FSHR: variants seen among roughly 807,000 people sequenced by gnomAD.
FSHR encodes the protein follicle stimulating hormone receptor, also known as follicle-stimulating hormone receptor.
Under a neutral mutation model 52.1 loss-of-function variants are expected in FSHR, and 46 were observed. The observed-to-expected ratio is 0.88, with a 90% CI of 0.70 to 1.13. The LOEUF is 1.13. Among genes scored for constraint, FSHR ranks in the 50% most tolerant of loss-of-function variants. The pLI is 0.00. For synonymous variants in FSHR, 399 were observed against 309.6 expected (o/e 1.29, Z -3.03); for missense variants, 964 against 834.6 (o/e 1.16, Z -1.91).
At chr2:48,989,839 A>G (rs377505300) in intron 5 of FSHR, among the ~76,000 whole-genome samples, 22 of 152,280 alleles carry the variant, frequency 1.4e-4, no homozygotes, top group African/African-American at 5.1e-4. Context: ...TTCCCCCGTC[A>G]ACCTTCCCTG....
chr2:48,966,246 G>C (rs1674472876), intron 9 of FSHR, among the ~76,000 whole-genome samples: 1 of 152,172 alleles, frequency 6.6e-6, no homozygotes, highest in South Asian at 2.1e-4. Context: ...TGGAATTCTT[G>C]AGGTCTAGGC....
chr2:49,029,847 A>G (rs1224195392), intron 2 of FSHR, among the ~76,000 whole-genome samples: 4 of 152,086 alleles, frequency 2.6e-5, no homozygotes, highest in African/African-American at 9.7e-5. Flanking sequence ...GATCCAAATG[A>G]TCTCCAGGGT....
intron 4 of FSHR, among the ~76,000 whole-genome samples, chr2:49,017,061 G>A (rs1016954223): frequency 3.3e-5 from 5 of 152,030 alleles, no homozygotes; most frequent in African/African-American, 7.2e-5. Flanking sequence ...TGTTATTAAC[G>A]AAAACATACA....
rs369856811 is a variant in FSHR at position 49,082,851 on chromosome 2, C to G, written c.153-14561G>C. Among the ~76,000 whole-genome samples the G allele has an allele frequency of 4.7e-3, 713 of 151,854 alleles. 3 individuals carry two copies. Among genetic ancestry groups the G allele is most frequent in the African/African-American group, 0.016 (664 of 41,296 alleles). On this transcript the variant is annotated intron_variant, in intron 1 of 9. Transcript: ENST00000406846. ...CAAGAAATATGGGACTATGTGAAAA[C>G]ACCAAATCTACGTCTGATTGGTGTA...
intron 8 of FSHR, among the ~76,000 whole-genome samples, chr2:48,973,854 G>T (rs1205100740): frequency 2.0e-5 from 3 of 152,204 alleles, no homozygotes; most frequent in East Asian, 1.9e-4. Flanking sequence ...TGCACCTTGT[G>T]TTATGTCTTC....
At chr2:49,144,284 C>A (rs1672792219) in intron 1 of FSHR, among the ~76,000 whole-genome samples, 1 of 152,184 alleles carries the variant, frequency 6.6e-6, no homozygotes, top group Admixed American at 6.5e-5. Flanking sequence ...GTTCTTAAAT[C>A]TGCTGCTGCG....
At chr2:49,038,589 C>T (rs1236852974) in intron 2 of FSHR, among the ~76,000 whole-genome samples, 7 of 146,920 alleles carry the variant, frequency 4.8e-5, no homozygotes, top group African/African-American at 1.5e-4. Flanking sequence ...CGCGCCACTG[C>T]ACTCCAGCCT....
intron 2 of FSHR, among the ~76,000 whole-genome samples, chr2:49,039,312 T>G (rs192787654): frequency 3.9e-5 from 6 of 152,300 alleles, no homozygotes; most frequent in Admixed American, 3.9e-4. Context: ...TTTGAAGATG[T>G]GATGTCTCTT....
At chr2:48,964,882 C>A (rs1161549930) in intron 9 of FSHR, among the ~76,000 whole-genome samples, 1 of 151,860 alleles carries the variant, frequency 6.6e-6, no homozygotes, top group East Asian at 1.9e-4. Context: ...TATTCTACCC[C>A]AGAGTAGTAT....
At chr2:49,053,648 C>G (rs1668951232) in intron 2 of FSHR, among the ~76,000 whole-genome samples, 1 of 151,918 alleles carries the variant, frequency 6.6e-6, no homozygotes, top group South Asian at 2.1e-4. Context: ...GAACAGTGGC[C>G]ATTTCATTTC....
intron 1 of FSHR, among the ~76,000 whole-genome samples, chr2:49,076,589 T>C (rs1558427096): frequency 6.6e-6 from 1 of 152,176 alleles, no homozygotes; most frequent in Non-Finnish European, 1.5e-5. Context: ...AAACTAATTA[T>C]GCCTTCCCTA....
chr2:49,142,221 T>A (rs1672713318), intron 1 of FSHR, among the ~76,000 whole-genome samples: 1 of 152,186 alleles, frequency 6.6e-6, no homozygotes, highest in Non-Finnish European at 1.5e-5. Context: ...GGGAGGAAAG[T>A]AAAGAAATGA....
chr2:49,068,330 TTAATAAG>T (rs759762528), intron 1 of FSHR, 40 bp from the exon 2 acceptor site: 13 of 1,521,138 alleles, frequency 8.5e-6, no homozygotes, highest in Non-Finnish European at 1.1e-5. Flanking sequence ...AACCTATCCA[TTAATAAG>T]TAATTGAGTT....
At chr2:49,032,241 C>A (rs1241607541) in intron 2 of FSHR, among the ~76,000 whole-genome samples, 2 of 152,098 alleles carry the variant, frequency 1.3e-5, no homozygotes, top group African/African-American at 4.8e-5. Flanking sequence ...TTGCTTTTGC[C>A]TTTATCAGGG....
At chr2:49,101,764 G>C (rs1671036195) in intron 1 of FSHR, among the ~76,000 whole-genome samples, 1 of 152,134 alleles carries the variant, frequency 6.6e-6, no homozygotes, top group Non-Finnish European at 1.5e-5. Context: ...AATCTATAAA[G>C]AAAAGAAATT....
chr2:48,967,229 G>T (rs996430038), intron 9 of FSHR, among the ~76,000 whole-genome samples: 3 of 152,112 alleles, frequency 2.0e-5, no homozygotes, highest in African/African-American at 4.8e-5. Context: ...CCGAGTAGGT[G>T]GGACTACAGG....
intron 5 of FSHR, among the ~76,000 whole-genome samples, chr2:48,989,599 G>T (rs1321062737): frequency 6.6e-6 from 1 of 152,124 alleles, no homozygotes; most frequent in Non-Finnish European, 1.5e-5. Flanking sequence ...TCTTCTGAAG[G>T]TTTTCTTAAA....
At chr2:49,153,719 T>A (rs1673141884) in intron 1 of FSHR, among the ~76,000 whole-genome samples, 1 of 152,156 alleles carries the variant, frequency 6.6e-6, no homozygotes, top group Non-Finnish European at 1.5e-5. Flanking sequence ...GTCTTTCCTA[T>A]CTTTCTTTCT....
intron 1 of FSHR, among the ~76,000 whole-genome samples, chr2:49,089,093 CTAATA>C (rs141082451): frequency 0.01 from 1,576 of 150,100 alleles, 23 homozygotes; most frequent in African/African-American, 0.037. Flanking sequence ...AAATTCACTT[CTAATA>C]TAATATAATA....
Sources: gnomAD v4.1 joint callset for allele counts (sites outside exome capture counted in the v4.1 genomes callset) on GRCh38, gnomAD v4.1.1 for gene constraint, MANE v1.5 for transcripts, NCBI Gene and HGNC (gene_info 2026-07-23, HGNC 2026-07-21) for gene names.